ANXA11: variants seen among roughly 807,000 people sequenced by gnomAD.
ANXA11 encodes annexin A11, also known as 56 kDa autoantigen.
Under a neutral mutation model 64.7 loss-of-function variants are expected in ANXA11, and 57 were observed. The observed-to-expected ratio is 0.88, with a 90% confidence interval of 0.71 to 1.10. The LOEUF (loss-of-function observed/expected upper bound fraction) is 1.10. Among genes scored for constraint, ANXA11 ranks in the 50% least tolerant of loss-of-function variants. ANXA11 has a pLI of 0.00. For synonymous variants in ANXA11, 260 were observed against 265.2 expected (o/e 0.98, Z 0.19); for missense variants, 675 against 670.7 (o/e 1.01, Z -0.07).
rs142094087 is a variant in ANXA11 at position 80,157,369 on chromosome 10, C to A, written c.1458+272G>T. 1.5e-5 allele frequency: 15 copies of A among 985,430 alleles called. 2 individuals are homozygous for A. The Admixed American group carries it at 2.5e-4, about 16-fold the overall frequency. 61.0% of individuals were successfully genotyped at this position (985,430 alleles called of 1,614,324 possible). A position where few individuals can be genotyped will look rare whatever the true frequency, so the allele number is the denominator to read the frequency against. ...TCAAGGAATCACACGGTGATCGGAA[C>A]GCTGAAGGTCACGGTCAAGGTTGGG... On this transcript the variant is annotated intron_variant, in intron 15 of 15. Coordinates refer to ENST00000422982, the MANE Select transcript of ANXA11 (RefSeq NM_145868.2).
intron 13 of ANXA11, among the ~76,000 whole-genome samples, chr10:80,158,408 G>A (rs12781934): frequency 0.025 from 3,879 of 152,270 alleles, 55 homozygotes; most frequent in Non-Finnish European, 0.039. Context: ...TGGAGAAACC[G>A]TGGCTGAGTG....
At position 80,187,569 on chromosome 10, in the gene ANXA11, A is replaced by ACT. The variant is rs796909130; in HGVS notation, c.-57-11416_-57-11415dup. Among the ~76,000 whole-genome samples the ACT allele has an allele frequency of 2.4e-3, 287 of 118,874 alleles. 1 individual carries two copies. Among genetic ancestry groups the ACT allele is most frequent in the Middle Eastern group, 0.013 (3 of 238 alleles). 78.0% of individuals were successfully genotyped at this position (118,874 alleles called of 152,430 possible). Reference sequence around the variant, plus strand: ...TGCACACACACACACACACACACACACTCTCTCTCTCTCTCACACACTCCC... The same window carrying ACT: ...TGCACACACACACACACACACACACACTCTCTCTCTCTCTCTCACACACTCCC... On this transcript the variant is annotated intron_variant, in intron 1 of 15. Coordinates refer to ENST00000422982, the MANE Select transcript of ANXA11 (RefSeq NM_145868.2).
In ANXA11 at chr10:80,151,540, A is replaced by C. The variant is rs897908344; in HGVS notation, c.*4313T>G. The C allele has an allele frequency of 2.6e-5, 4 of 152,204 alleles. No homozygotes were observed. The highest frequency in any genetic ancestry group is 9.7e-5 in the African/African-American group (4 of 41,450). The allele number at this position is 152,204 out of a possible 1,614,324, so 9.4% of individuals were successfully genotyped here. On this transcript the variant is annotated 3_prime_UTR_variant, in exon 16 of 16. Transcript: ENST00000422982. The stretch of plus-strand genomic sequence containing the variant: ...TCGGCCAGGGCAGGAAAGAGCCTAC[A>C]GCAGAAATAAGGAGCCAGGTCCTAA...
At chr10:80,160,459 G>A (rs1398349161) in intron 12 of ANXA11, among the ~76,000 whole-genome samples, 1 of 152,156 alleles carries the variant, frequency 6.6e-6, no homozygotes, top group East Asian at 1.9e-4. Flanking sequence ...CTGTCTCTGT[G>A]TGCAGCACAG....
intron 1 of ANXA11, among the ~76,000 whole-genome samples, chr10:80,177,617 T>C (rs991446383): frequency 1.3e-5 from 2 of 152,130 alleles, no homozygotes; most frequent in Non-Finnish European, 2.9e-5. Context: ...CGAGGGACAC[T>C]ACAGAACTGT....
At chr10:80,168,253 G>T (rs191918473) in intron 5 of ANXA11, among the ~76,000 whole-genome samples, 3 of 110,664 alleles carry the variant, frequency 2.7e-5, no homozygotes, top group Admixed American at 1.1e-4. Context: ...TGTCTGTGCC[G>T]GGGGGGGCGG....
At chr10:80,164,224 G>A (rs922135609) in intron 8 of ANXA11, 81 bp from the exon 9 acceptor site, 13 of 1,128,044 alleles carry the variant, frequency 1.2e-5, no homozygotes, top group Admixed American at 7.2e-5. Context: ...TGGGGGCTAC[G>A]CTGCTGCCTT....
chr10:80,178,461 A>G (rs1846249108), intron 1 of ANXA11, among the ~76,000 whole-genome samples: 1 of 152,200 alleles, frequency 6.6e-6, no homozygotes, highest in African/African-American at 2.4e-5. Context: ...TCCAATTCTT[A>G]GAAACCTGTC....
intron 1 of ANXA11, among the ~76,000 whole-genome samples, chr10:80,198,825 T>C (rs1295090676): frequency 6.6e-6 from 1 of 152,052 alleles, no homozygotes; most frequent in Non-Finnish European, 1.5e-5. Flanking sequence ...ACAGGTGGCG[T>C]GGGGAAGATG....
At chr10:80,180,107 T>G (rs1185706491) in intron 1 of ANXA11, among the ~76,000 whole-genome samples, 1 of 152,300 alleles carries the variant, frequency 6.6e-6, no homozygotes, top group Non-Finnish European at 1.5e-5. Flanking sequence ...ACCATTCAAC[T>G]CCACAGGCTC....
intron 4 of ANXA11, 30 bp downstream of exon 4, chr10:80,170,770 G>C: frequency 6.9e-7 from 1 of 1,448,532 alleles, no homozygotes; most frequent in Non-Finnish European, 9.1e-7. Flanking sequence ...TGTGGCCCCA[G>C]GGCTGCCTCA....
chr10:80,159,222 A>G (rs987440441), intron 12 of ANXA11, 27 bp from the exon 13 acceptor site: 1 of 1,575,764 alleles, frequency 6.3e-7, no homozygotes, highest in Non-Finnish European at 8.7e-7. Context: ...GGCTTATATT[A>G]TGAACTGAAA....
In ANXA11 at chr10:80,166,908, G is replaced by A. The variant is rs1224697660; in HGVS notation, c.726C>T (p.Phe242=). 3 of 1,608,148 alleles carry A rather than the reference G, an allele frequency of 1.9e-6. No homozygotes were observed. The highest frequency in any genetic ancestry group is 8.5e-7 in the Non-Finnish European group (1 of 1,177,904). ...AGCTCGCCTTGCCGTAAGCCGTCTT[G>A]AAGGAAAGTAGGATCTGCTGCCGCT... The part of the protein sequence containing the change: ...NKQRQQILLS[F]KTAYGKDLIK... The change falls in exon 7 of 16, where the codon TTC becomes TTT. Residue 242 remains phenylalanine (F), a synonymous_variant. Transcript: ENST00000422982.
At position 80,171,701 on chromosome 10, in the gene ANXA11, C is replaced by T. The variant is rs1179139782; in HGVS notation, c.56-786G>A. 8 of 985,390 alleles carry T rather than the reference C, an allele frequency of 8.1e-6. No homozygotes were observed. In the East Asian group the frequency reaches 3.4e-4, roughly 42 times the overall value. The allele number at this position is 985,390 out of a possible 1,614,324, so 61.0% of individuals were successfully genotyped here. A position where few individuals can be genotyped will look rare whatever the true frequency, so the allele number is the denominator to read the frequency against. On this transcript the variant is annotated intron_variant, in intron 3 of 15. Transcript: ENST00000422982. ...GATGCTTTCCTCTACATGGCAGCTT[C>T]GGATCGGCTCTTCATCTCCAGGGCT...
intron 1 of ANXA11, among the ~76,000 whole-genome samples, chr10:80,192,202 T>C (rs1846807673): frequency 1.3e-5 from 2 of 152,188 alleles, no homozygotes; most frequent in African/African-American, 2.4e-5. Context: ...GAGATTAATT[T>C]TGCAATATTG....
chr10:80,166,419 A>T, intron 7 of ANXA11: 3 of 531,222 alleles, frequency 5.6e-6, no homozygotes, highest in Non-Finnish European at 1.0e-5. Flanking sequence ...GACACAATGA[A>T]GTTTGAGAAG....
In ANXA11 at chr10:80,162,054, T is replaced by C. The variant is rs2304410; in HGVS notation, c.1087-26A>G. On this transcript the variant is annotated intron_variant, in intron 11 of 15. Coordinates refer to ENST00000422982, the MANE Select transcript of ANXA11 (RefSeq NM_145868.2). ...CTGGAGAGAGAGGAAGACGCACATG[T>C]GGCACAGGCCACACCCAGACCCCAG... The C allele has an allele frequency of 0.14, 220,223 of 1,591,316 alleles. 16,490 individuals carry two copies. The highest frequency in any genetic ancestry group is 0.25 in the Admixed American group (14,750 of 59,554).
At chr10:80,157,817 T>C (rs1307451065) in intron 14 of ANXA11, 54 bp from the exon 15 acceptor site, 2 of 1,595,128 alleles carry the variant, frequency 1.3e-6, no homozygotes, top group African/African-American at 2.7e-5. Flanking sequence ...CCTTCCCACC[T>C]GCCCTGGGCC....
chr10:80,168,558 C>G (rs577556717), intron 5 of ANXA11, among the ~76,000 whole-genome samples: 3 of 152,126 alleles, frequency 2.0e-5, no homozygotes, highest in Non-Finnish European at 4.4e-5. Flanking sequence ...AAAACTGGGT[C>G]TTACTCTGTC....
Sources: gnomAD v4.1 joint callset for allele counts (sites outside exome capture counted in the v4.1 genomes callset) on GRCh38, gnomAD v4.1.1 for gene constraint, MANE v1.5 for transcripts, NCBI Gene and HGNC (gene_info 2026-07-23, HGNC 2026-07-21) for gene names.